Variants in ARHGAP29 observed in about 807,000 individuals in gnomAD.
ARHGAP29 encodes the protein Rho GTPase activating protein 29.
In ARHGAP29, 43 loss-of-function variants were observed where a neutral mutation model predicts 122.6. The observed-to-expected ratio is 0.35, with a 90% confidence interval of 0.27 to 0.45. ARHGAP29 has a LOEUF of 0.45. ARHGAP29 is among the 20% of genes least tolerant of loss of function. The probability of loss-of-function intolerance (pLI) is 1.00; values close to 1 mark genes in which losing one functional copy is unlikely to be tolerated. For missense variants in ARHGAP29, 1,303 were observed against 1,477.2 expected, an observed-to-expected ratio of 0.88 and a Z score of 1.93; for synonymous variants, 506 against 497.1, an observed-to-expected ratio of 1.02 and a Z score of -0.24.
chr1:94,217,930 A>G (rs1393644217), intron 3 of ARHGAP29, among the ~76,000 whole-genome samples: 1 of 152,214 alleles, frequency 6.6e-6, no homozygotes, highest in Admixed American at 6.5e-5. Context: ...TCTGTCCCAG[A>G]AACTTTTCCT....
At position 94,208,881 on chromosome 1, in the gene ARHGAP29, T is replaced by C. The variant is rs369329153; in HGVS notation, c.461A>G (p.Asp154Gly). 12 of 1,613,818 alleles carry C rather than the reference T, an allele frequency of 7.4e-6. No homozygotes were observed. The Admixed American group carries it at 1.0e-4, about 13-fold the overall frequency. ...GNILTNFLMG[D>G]VGNDSLLRLP... The stretch of plus-strand genomic sequence containing the variant: ...TCGCAATAATGAATCATTGCCTACA[T>C]CTCCCATAAGGAAGTTTGTAAGGCT... Residue 154 changes from aspartate to glycine, a missense_variant, in exon 5 of 23, where the codon GAT becomes GGT. Asp to Gly is a moderately conservative substitution (Grantham distance 94). This residue lies in a region of ARHGAP29 where 592 missense variants were observed against 648.2 expected (regional missense o/e 0.91). Transcript: ENST00000260526.
In ARHGAP29 at chr1:94,209,344, T is replaced by C. The variant is rs1347855117; in HGVS notation, c.347A>G (p.Asn116Ser). 2.5e-6 allele frequency: 4 copies of C among 1,599,730 alleles called. No homozygotes were observed. The highest frequency in any genetic ancestry group is 3.4e-6 in the Non-Finnish European group (4 of 1,175,570). The change falls in exon 4 of 23, where the codon AAC (asparagine) becomes AGC (serine). Residue 116 changes from asparagine to serine, a missense_variant. Asn to Ser is a conservative substitution (Grantham distance 46). Around this residue, in one of 3 missense-constraint regions of ARHGAP29, gnomAD observed 592 missense variants for 648.2 expected, o/e 0.91. Transcript: ENST00000260526. ...GTTTTCTTCATTAACTTCTGTGAAG[T>C]TCACAGCTGTAAGGAAAAGTTGGTT... is the stretch of plus-strand genomic sequence containing the variant. ...EMLTAKVKAVNFTEVNEENKN... is the reference protein window; with the variant it reads ...EMLTAKVKAVSFTEVNEENKN...
Position 94,179,928 on chromosome 1 carries a change from C to G in ARHGAP29, c.2277G>C (p.Leu759Phe). The G allele has an allele frequency of 6.2e-7, 1 of 1,606,996 alleles. No individual in the cohort carries two copies. ...QLPEPFILFR[L>F]YKEFIDLAKE... ...TTGCAAGGTCTATAAATTCCTTGTA[C>G]AATCGAAATAAAATAAATGGTTCTG... is the stretch of plus-strand genomic sequence containing the variant. Residue 759 changes from leucine to phenylalanine, a missense_variant, in exon 20 of 23, where the codon TTG becomes TTC. This residue lies in a region of ARHGAP29 where 620 missense variants were observed against 651.2 expected (regional missense o/e 0.95). Transcript: ENST00000260526.
At chr1:94,236,393 G>T (rs773815761) in intron 1 of ARHGAP29, among the ~76,000 whole-genome samples, 1 of 152,074 alleles carries the variant, frequency 6.6e-6, no homozygotes, top group Non-Finnish European at 1.5e-5. Flanking sequence ...CCTCATCCAA[G>T]AATTTAAACA....
At chr1:94,250,933 C>T (rs1570605889) in intron 1 of ARHGAP29, among the ~76,000 whole-genome samples, 1 of 152,136 alleles carries the variant, frequency 6.6e-6, no homozygotes, top group African/African-American at 2.4e-5. Flanking sequence ...AGGTAACTCC[C>T]CTAATAATTA....
At chr1:94,281,436 G>A in the ARHGAP29 span, among the ~76,000 whole-genome samples, 3 of 152,128 alleles carry the variant, frequency 2.0e-5, no homozygotes, top group African/African-American at 7.2e-5. Flanking sequence ...CTCTTGCTGG[G>A]AACAGCCCAG....
chr1:94,202,500 T>A (rs1557857297), intron 11 of ARHGAP29, 44 bp downstream of exon 11: 7 of 1,604,720 alleles, frequency 4.4e-6, no homozygotes, highest in African/African-American at 4.0e-5. Context: ...CCTGGCAGAT[T>A]ACCGCTAATT....
chr1:94,280,800 T>C, the ARHGAP29 span, among the ~76,000 whole-genome samples: 1 of 152,214 alleles, frequency 6.6e-6, no homozygotes, highest in East Asian at 1.9e-4. Flanking sequence ...GAGCTTATCC[T>C]GGTTCTTTTC....
chr1:94,275,786 G>A (rs187292485), upstream of ARHGAP29, among the ~76,000 whole-genome samples: 124 of 152,214 alleles, frequency 8.1e-4, 1 homozygote, highest in Non-Finnish European at 7.4e-5. Flanking sequence ...GAAAAGATAT[G>A]TTGGAGTGGT....
intron 1 of ARHGAP29, among the ~76,000 whole-genome samples, chr1:94,270,401 C>A (rs1238637596): frequency 6.6e-6 from 1 of 152,208 alleles, no homozygotes; most frequent in Non-Finnish European, 1.5e-5. Context: ...TGTGCCCTGG[C>A]AGACATGGAA....
Position 94,205,170 on chromosome 1 carries a change from G to T in ARHGAP29, c.588C>A (p.Asn196Lys). The T allele has an allele frequency of 1.3e-6, 2 of 1,599,424 alleles. No homozygotes were observed. The highest frequency in any genetic ancestry group is 1.7e-6 in the Non-Finnish European group (2 of 1,174,816). The change falls in exon 7 of 23, where the codon AAC becomes AAA. Residue 196 changes from asparagine (N) to lysine (K), a missense_variant. Transcript: ENST00000260526. Reference sequence around the variant, plus strand: ...TAGAGTCAGTGTTCTTTAACAGCACGTTGTCTAGTTCTAAAGGGGAAAAAT... The same window carrying T: ...TAGAGTCAGTGTTCTTTAACAGCACTTTGTCTAGTTCTAAAGGGGAAAAAT... ...KGNFSPLELD[N>K]VLLKNTDSIE...
intron 12 of ARHGAP29, among the ~76,000 whole-genome samples, chr1:94,196,933 G>C (rs1650513255): frequency 6.6e-6 from 1 of 152,062 alleles, no homozygotes; most frequent in Non-Finnish European, 1.5e-5. Context: ...AAAAGCACAG[G>C]AAGGTCTCAA....
At chr1:94,265,118 C>T (rs538125710) in intron 1 of ARHGAP29, among the ~76,000 whole-genome samples, 97 of 152,344 alleles carry the variant, frequency 6.4e-4, no homozygotes, top group African/African-American at 2.2e-3. Context: ...ATTCCACTCC[C>T]CAGACATCCC....
chr1:94,305,929 A>G, the ARHGAP29 span, among the ~76,000 whole-genome samples: 219 of 152,304 alleles, frequency 1.4e-3, no homozygotes, highest in African/African-American at 5.0e-3. Flanking sequence ...TGAAAAAGGC[A>G]ATCACCCTGC....
At chr1:94,304,979 G>A in the ARHGAP29 span, among the ~76,000 whole-genome samples, 2 of 152,176 alleles carry the variant, frequency 1.3e-5, no homozygotes, top group African/African-American at 4.8e-5. Context: ...AACAGAAGCA[G>A]GCAAAAGTGT....
intron 3 of ARHGAP29, among the ~76,000 whole-genome samples, chr1:94,213,102 C>T (rs1651744647): frequency 1.3e-5 from 2 of 152,214 alleles, no homozygotes; most frequent in Admixed American, 1.3e-4. Flanking sequence ...GCCTATATTG[C>T]CTTCCTTCCC....
intron 4 of ARHGAP29, 31 bp from the exon 5 acceptor site, chr1:94,208,935 A>G (rs1351496937): frequency 6.3e-7 from 1 of 1,579,068 alleles, no homozygotes; most frequent in Admixed American, 1.7e-5. Context: ...AAGAAAGACA[A>G]GTCATTATAC....
intron 16 of ARHGAP29, among the ~76,000 whole-genome samples, chr1:94,185,728 T>C (rs1037057280): frequency 3.3e-5 from 5 of 152,256 alleles, no homozygotes; most frequent in African/African-American, 7.2e-5. Context: ...CTATGAATAA[T>C]AACATGACAT....
chr1:94,310,479 A>G, the ARHGAP29 span, among the ~76,000 whole-genome samples: 2 of 152,330 alleles, frequency 1.3e-5, no homozygotes, highest in African/African-American at 4.8e-5. Context: ...ACATTTCCCT[A>G]TGAGGACCAC....
Sources: gnomAD v4.1 joint callset for allele counts (sites outside exome capture counted in the v4.1 genomes callset) on GRCh38, gnomAD v4.1.1 for gene constraint, gnomAD v4.1.1 regional missense constraint, MANE v1.5 for transcripts, NCBI Gene and HGNC (gene_info 2026-07-23, HGNC 2026-07-21) for gene names.